The following MIA3 variants were observed in gnomAD, a reference collection of about 807,000 sequenced individuals.
MIA3 encodes transport and Golgi organization protein 1 homolog.
Under a neutral mutation model 192.4 loss-of-function variants are expected in MIA3, and 90 were observed. The observed-to-expected ratio is 0.47, with a 90% confidence interval of 0.39 to 0.56. The LOEUF is 0.56. Among genes scored for constraint, MIA3 ranks in the 20% least tolerant of loss-of-function variants. The probability of loss-of-function intolerance (pLI) is 0.00; values close to 1 mark genes in which losing one functional copy is unlikely to be tolerated. For missense variants in MIA3, 2,123 were observed against 2,269.4 expected, an observed-to-expected ratio of 0.94 and a Z score of 1.31; for synonymous variants, 740 against 792.8, an observed-to-expected ratio of 0.93 and a Z score of 1.12.
In MIA3 at chr1:222,666,351, G is replaced by A. The variant is rs1292575600; in HGVS notation, c.*732G>A. The A allele has an allele frequency of 1.3e-5, 2 of 152,024 alleles. No individual in the cohort carries two copies. Among genetic ancestry groups the A allele is most frequent in the South Asian group, 4.2e-4 (2 of 4,810 alleles). The allele number at this position is 152,024 out of a possible 1,614,324, so 9.4% of individuals were successfully genotyped here. A position where few individuals can be genotyped will look rare whatever the true frequency, so the allele number is the denominator to read the frequency against. On this transcript the variant is annotated 3_prime_UTR_variant, in exon 28 of 28. Coordinates refer to ENST00000344922, the MANE Select transcript of MIA3 (RefSeq NM_198551.4). ...TATAGCATTCACATGCTTTCTTTAC[G>A]ATCCTCATTGTCTATTTGAGAATGG...
At position 222,650,616 on chromosome 1, in the gene MIA3, A is replaced by G; in HGVS notation, c.3721-18A>G. 1.3e-6 allele frequency: 2 copies of G among 1,498,174 alleles called. No individual in the cohort carries two copies. Among genetic ancestry groups the G allele is most frequent in the Non-Finnish European group, 1.8e-6 (2 of 1,095,078 alleles). The allele number at this position is 1,498,174 out of a possible 1,614,324, so 92.8% of individuals were successfully genotyped here. A position where few individuals can be genotyped will look rare whatever the true frequency, so the allele number is the denominator to read the frequency against. ...TATACTTTATATTTCTGGATTCTGAATGCTTTATTTTATATAGATCAAGGA... is the reference window on the plus strand; with the variant it reads ...TATACTTTATATTTCTGGATTCTGAGTGCTTTATTTTATATAGATCAAGGA... On this transcript the variant is annotated intron_variant, in intron 9 of 27. Coordinates refer to ENST00000344922, the MANE Select transcript of MIA3 (RefSeq NM_198551.4).
intron 6 of MIA3, 28 bp downstream of exon 6, chr1:222,633,277 T>A: frequency 5.2e-6 from 8 of 1,540,990 alleles, no homozygotes; most frequent in Non-Finnish European, 6.2e-6. Flanking sequence ...TTTTTTTAAC[T>A]AAAATGTTGA....
rs748773142 is a variant in MIA3, at chr1:222,665,396, G to A, written c.5501G>A (p.Gly1834Glu). ...GRRDLPLHPR[G>E]FLPGHAPFRP... ...CGGGACCTGCCTCTCCACCCTCGGG[G>A]ATTTTTACCTGGACACGCACCATTT... The change falls in exon 28 of 28, where the codon GGA becomes GAA. Residue 1834 changes from glycine (G) to glutamate (E), a missense_variant. Gly to Glu is a moderately conservative substitution (Grantham distance 98). This residue lies in a region of MIA3 where 762 missense variants were observed against 856.4 expected (regional missense o/e 0.89). Coordinates refer to ENST00000344922, the MANE Select transcript of MIA3 (RefSeq NM_198551.4). 8 of 1,613,804 alleles carry A rather than the reference G, an allele frequency of 5.0e-6. No individual in the cohort carries two copies. Among genetic ancestry groups the A allele is most frequent in the Non-Finnish European group, 6.8e-6 (8 of 1,179,970 alleles).
In MIA3 at chr1:222,655,031, G is replaced by A. The variant is rs73124845; in HGVS notation, c.4607+238G>A. On this transcript the variant is annotated intron_variant, in intron 18 of 27. Transcript: ENST00000344922. ...TAAGGGGGAGCAGTGTACTGGTACTGACGGTCGCTGCTGTGGGAGTGCTTC... is the reference window on the plus strand; with the variant it reads ...TAAGGGGGAGCAGTGTACTGGTACTAACGGTCGCTGCTGTGGGAGTGCTTC... Among the ~76,000 whole-genome samples the A allele has an allele frequency of 4.6e-3, 701 of 152,322 alleles. 4 individuals are homozygous for A. The highest frequency in any genetic ancestry group is 0.016 in the African/African-American group (664 of 41,570).
intron 5 of MIA3, 38 bp downstream of exon 5, chr1:222,632,364 T>G (rs78391833): frequency 0.015 from 23,743 of 1,573,960 alleles, 324 homozygotes; most frequent in Admixed American, 0.068. Flanking sequence ...AGTGGAGAAA[T>G]CATAAAGAAG....
At chr1:222,662,915 A>G (rs1664096265) in intron 26 of MIA3, 1 of 156,652 alleles carries the variant, frequency 6.4e-6, no homozygotes, top group Admixed American at 6.1e-5. Context: ...GTTTGCTGGA[A>G]GTGAAATACT....
At chr1:222,641,382 T>C in intron 6 of MIA3, 1 of 397,898 alleles carries the variant, frequency 2.5e-6, no homozygotes, top group Non-Finnish European at 4.9e-6. Context: ...GCCCAAGGGG[T>C]ATCCCTCTGC....
Position 222,660,008 on chromosome 1 carries a change from T to A in MIA3, c.4975+2T>A. 1 of 1,609,490 alleles carries A rather than the reference T, an allele frequency of 6.2e-7. No homozygotes were observed. Among genetic ancestry groups the A allele is most frequent in the Admixed American group, 1.7e-5 (1 of 59,664 alleles). Reference sequence around the variant, plus strand: ...ATACACAAAACCCTCCACGGAGAGGTAAGGGAGCTACCTTGTAAAGGGCAA... The same window carrying A: ...ATACACAAAACCCTCCACGGAGAGGAAAGGGAGCTACCTTGTAAAGGGCAA... On this transcript the variant is annotated splice_donor_variant, in intron 23 of 27. Coordinates refer to ENST00000344922, the MANE Select transcript of MIA3 (RefSeq NM_198551.4). LOFTEE classifies it high-confidence loss of function.
At chr1:222,632,356 T>G (rs3008622) in intron 5 of MIA3, 30 bp downstream of exon 5, 301,863 of 1,592,514 alleles carry the variant, frequency 0.19, 31,374 homozygotes, top group Admixed American at 0.42. Context: ...TTCTACAAAG[T>G]GGAGAAATCA....
At chr1:222,624,895 G>GCCAA in intron 3 of MIA3, 41 bp downstream of exon 3, 7 of 1,133,418 alleles carry the variant, frequency 6.2e-6, no homozygotes, top group Non-Finnish European at 9.1e-6. Flanking sequence ...TTATAAGTTG[G>GCCAA]CTTATAAGTG....
intron 14 of MIA3, 37 bp from the exon 15 acceptor site, chr1:222,653,191 T>C: frequency 6.3e-7 from 1 of 1,596,080 alleles, no homozygotes; most frequent in Non-Finnish European, 8.6e-7. Flanking sequence ...TTGAATTAAA[T>C]GGAAAGACTC....
chr1:222,666,351 G>T lies in MIA3; in HGVS notation c.*732G>T, dbSNP rs1292575600. 2.0e-5 allele frequency: 3 copies of T among 152,024 alleles called. No individual in the cohort carries two copies. Among genetic ancestry groups the T allele is most frequent in the African/African-American group, 7.2e-5 (3 of 41,380 alleles). The allele number at this position is 152,024 out of a possible 1,614,324, so 9.4% of individuals were successfully genotyped here. ...TATAGCATTCACATGCTTTCTTTAC[G>T]ATCCTCATTGTCTATTTGAGAATGG... On this transcript the variant is annotated 3_prime_UTR_variant, in exon 28 of 28. Transcript: ENST00000344922.
At chr1:222,639,250 A>C (rs575966017) in intron 6 of MIA3, among the ~76,000 whole-genome samples, 26 of 152,346 alleles carry the variant, frequency 1.7e-4, no homozygotes, top group African/African-American at 6.0e-4. Flanking sequence ...TACAGCTAAA[A>C]ACCTTTCCAC....
At position 222,654,720 on chromosome 1, in the gene MIA3, G is replaced by C; in HGVS notation, c.4534G>C (p.Glu1512Gln). The change falls in exon 18 of 28, where the codon GAA (glutamate) becomes CAA (glutamine). Residue 1512 changes from glutamate to glutamine, a missense_variant. By Grantham distance (29) the Glu-to-Gln change is conservative. Transcript: ENST00000344922. ...AGCTGCCAAAGCTGGACTGGAAGAT[G>C]AATGCAAAACCTTGAGGCAGAAAGT... ...LQAAKAGLED[E>Q]CKTLRQKVEI... 6.2e-7 allele frequency: 1 copy of C among 1,614,164 alleles called. No individual in the cohort carries two copies. The highest frequency in any genetic ancestry group is 8.5e-7 in the Non-Finnish European group (1 of 1,180,002).
In MIA3 at chr1:222,659,895, C is replaced by T. The variant is rs1175347594; in HGVS notation, c.4875-11C>T. ...TAACTCTTTCTTAAATATTCTTTCT[C>T]TATATTCAAGATTATTAGAATTAAC... On this transcript the variant is annotated splice_polypyrimidine_tract_variant and intron_variant, in intron 22 of 27. Transcript: ENST00000344922. 1.2e-6 allele frequency: 2 copies of T among 1,604,222 alleles called. No individual in the cohort carries two copies. Among genetic ancestry groups the T allele is most frequent in the Middle Eastern group, 1.7e-4 (1 of 6,052 alleles).
chr1:222,646,502 A>G (rs966720711), intron 7 of MIA3, among the ~76,000 whole-genome samples: 8 of 152,026 alleles, frequency 5.3e-5, no homozygotes, highest in African/African-American at 1.9e-4. Flanking sequence ...CTGTAATACC[A>G]GCACTTTGGG....
In MIA3 at chr1:222,645,656, G is replaced by C; in HGVS notation, c.3580G>C (p.Ala1194Pro). 1 of 1,613,850 alleles carries C rather than the reference G, an allele frequency of 6.2e-7. No individual in the cohort carries two copies. Among genetic ancestry groups the C allele is most frequent in the Non-Finnish European group, 8.5e-7 (1 of 1,179,892 alleles). Residue 1194 changes from alanine to proline, a missense_variant, in exon 7 of 28, where the codon GCC becomes CCC. Physicochemically the swap from Ala to Pro is conservative, Grantham distance 27. Transcript: ENST00000344922. The part of the protein sequence containing the change: ...ITAFLGIASF[A>P]IFLWRTVLVV... ...TGCCTTCTTGGGAATTGCTTCGTTTGCCATTTTCTTATGGAGAACTGTCCT... is the reference window on the plus strand; with the variant it reads ...TGCCTTCTTGGGAATTGCTTCGTTTCCCATTTTCTTATGGAGAACTGTCCT...
At chr1:222,647,267 C>T (rs1663192788) in intron 7 of MIA3, among the ~76,000 whole-genome samples, 1 of 152,212 alleles carries the variant, frequency 6.6e-6, no homozygotes, top group South Asian at 2.1e-4. Flanking sequence ...ACTTGTACAT[C>T]CTTATGATTA....
rs1212994393 is a variant in MIA3 at position 222,650,274 on chromosome 1, A to AT, written c.3632-11dup. On this transcript the variant is annotated splice_polypyrimidine_tract_variant and intron_variant, in intron 8 of 27. Coordinates refer to ENST00000344922, the MANE Select transcript of MIA3 (RefSeq NM_198551.4). Reference sequence around the variant, plus strand: ...ATTTAGTGATCATAATAACCTTATTATTTTTTTCTTTTTTCAGTCACGGAA... The same window carrying AT: ...ATTTAGTGATCATAATAACCTTATTATTTTTTTTCTTTTTTCAGTCACGGAA... 1.4e-6 allele frequency: 2 copies of AT among 1,445,642 alleles called. No homozygotes were observed. The highest frequency in any genetic ancestry group is 1.9e-6 in the Non-Finnish European group (2 of 1,032,398). 89.6% of individuals were successfully genotyped at this position (1,445,642 alleles called of 1,614,324 possible).
Sources: gnomAD v4.1 joint callset for allele counts (sites outside exome capture counted in the v4.1 genomes callset) on GRCh38, gnomAD v4.1.1 for gene constraint, gnomAD v4.1.1 regional missense constraint, MANE v1.5 for transcripts, NCBI Gene and HGNC (gene_info 2026-07-23, HGNC 2026-07-21) for gene names.